Variants in FOXP2 observed in about 807,000 individuals in gnomAD.
The protein encoded by FOXP2 is forkhead box protein P2.
In FOXP2, 12 loss-of-function variants were observed where a neutral mutation model predicts 115.8. The ratio of observed to expected loss-of-function variants is 0.10; its 90% CI spans 0.07 to 0.17. FOXP2 has a LOEUF of 0.17. Ranked by LOEUF, FOXP2 falls within the 10% of genes least tolerant of loss-of-function variation. The pLI is 1.00. For synonymous variants in FOXP2, 328 were observed against 297.7 expected (o/e 1.10, Z -1.05); for missense variants, 629 against 843.5 (o/e 0.75, Z 3.15).
intron 2 of FOXP2, among the ~76,000 whole-genome samples, chr7:114,312,561 G>C (rs1003353931): frequency 3.3e-5 from 5 of 152,172 alleles, no homozygotes; most frequent in Non-Finnish European, 7.3e-5. Flanking sequence ...TAGGGTATGA[G>C]TTTACCTAAT....
intron 1 of FOXP2, among the ~76,000 whole-genome samples, chr7:114,230,089 C>T (rs1355638087): frequency 1.3e-5 from 2 of 151,792 alleles, no homozygotes; most frequent in Non-Finnish European, 1.5e-5. Flanking sequence ...TAAGAGACTA[C>T]TGTGAACAAT....
At chr7:114,643,890 T>C (rs959741695) in intron 7 of FOXP2, among the ~76,000 whole-genome samples, 6 of 152,184 alleles carry the variant, frequency 3.9e-5, no homozygotes, top group African/African-American at 1.4e-4. Flanking sequence ...AAATTCTTTG[T>C]CATAAACAAA....
At chr7:114,144,923 A>G (rs1792325744) in intron 1 of FOXP2, among the ~76,000 whole-genome samples, 1 of 152,214 alleles carries the variant, frequency 6.6e-6, no homozygotes, top group Non-Finnish European at 1.5e-5. Context: ...AACGCTATTA[A>G]TGTTCAAATT....
At chr7:114,160,795 T>TGTGA (rs914810215), upstream of FOXP2, among the ~76,000 whole-genome samples, 7 of 151,618 alleles carry the variant, frequency 4.6e-5, no homozygotes, top group Non-Finnish European at 8.8e-5. Context: ...TGTGTGTGTG[T>TGTGA]GTGTGTGTGT....
At chr7:114,254,180 C>T (rs887236219) in intron 1 of FOXP2, among the ~76,000 whole-genome samples, 1 of 152,194 alleles carries the variant, frequency 6.6e-6, no homozygotes, top group Non-Finnish European at 1.5e-5. Flanking sequence ...GTCTGATGGG[C>T]TTCCCTTTGT....
chr7:114,516,668 T>A (rs921413227), intron 2 of FOXP2, among the ~76,000 whole-genome samples: 4 of 151,918 alleles, frequency 2.6e-5, no homozygotes, highest in African/African-American at 9.7e-5. Context: ...TACTTGGTAA[T>A]TTTTTTGTTC....
rs557744346 is a variant in FOXP2 at position 114,387,778 on chromosome 7, A to G, written c.-10-38724A>G. ...TAATGAAATCCTGGCATGGTTTCTT[A>G]TGCAATAGACAAGGTAAATTAATTA... On this transcript the variant is annotated intron_variant, in intron 2 of 17. Coordinates refer to the FOXP2 transcript ENST00000634411. Among the ~76,000 whole-genome samples the G allele has an allele frequency of 4.1e-4, 63 of 152,320 alleles. 1 individual carries two copies. Among genetic ancestry groups the G allele is most frequent in the Non-Finnish European group, 3.7e-4 (25 of 67,996 alleles).
At chr7:114,609,426 GAA>G (rs1205208318) in intron 3 of FOXP2, among the ~76,000 whole-genome samples, 1 of 152,048 alleles carries the variant, frequency 6.6e-6, no homozygotes, top group Non-Finnish European at 1.5e-5. Flanking sequence ...AAAGAAATGA[GAA>G]AATAGTAAAA....
chr7:114,668,879 C>T (rs995242734), intron 16 of FOXP2: 1 of 152,026 alleles, frequency 6.6e-6, no homozygotes, highest in Admixed American at 6.6e-5. Context: ...AATGGTTTGA[C>T]TTCACAAAGT....
At chr7:114,339,766 C>G (rs1264947545) in intron 2 of FOXP2, among the ~76,000 whole-genome samples, 1 of 151,104 alleles carries the variant, frequency 6.6e-6, no homozygotes, top group Admixed American at 6.6e-5. Flanking sequence ...TAAAAGCATC[C>G]AATTTCCCCT....
chr7:114,459,104 C>CATGG (rs973695450), intron 2 of FOXP2, among the ~76,000 whole-genome samples: 9 of 152,178 alleles, frequency 5.9e-5, no homozygotes, highest in Admixed American at 2.0e-4. Context: ...TTTAGTTCAG[C>CATGG]ATGGCACCTG....
intron 2 of FOXP2, among the ~76,000 whole-genome samples, chr7:114,379,574 C>A (rs1792229666): frequency 1.3e-5 from 2 of 152,084 alleles, no homozygotes; most frequent in Non-Finnish European, 2.9e-5. Context: ...AATGGGCTAG[C>A]AGGCCATTTC....
At chr7:114,556,098 T>C (rs993364521) in intron 3 of FOXP2, among the ~76,000 whole-genome samples, 1 of 152,208 alleles carries the variant, frequency 6.6e-6, no homozygotes, top group African/African-American at 2.4e-5. Flanking sequence ...TGGAGTTTTC[T>C]TGGCATCATG....
chr7:114,628,623 T>C lies in FOXP2; in HGVS notation c.342T>C (p.Ser114=), dbSNP rs886061915. 1 of 1,613,940 alleles carries C rather than the reference T, an allele frequency of 6.2e-7. No individual in the cohort carries two copies. The highest frequency in any genetic ancestry group is 1.3e-5 in the African/African-American group (1 of 74,908). ...AGATCCTTCAGCAACAAGTCCTGTC[T>C]CCTCAGCAGCTACAAGCCCTTCTCC... ...MQQILQQQVL[S]PQQLQALLQQ... is the part of the protein sequence containing the mutation. Residue 114 remains serine (S), a synonymous_variant, in exon 4 of 17, where the codon TCT becomes TCC. Transcript: ENST00000350908.
chr7:114,593,075 A>C (rs558194224), intron 3 of FOXP2, among the ~76,000 whole-genome samples: 1 of 152,116 alleles, frequency 6.6e-6, no homozygotes, highest in East Asian at 1.9e-4. Context: ...ATAGGATTGA[A>C]TAGTTTCTGT....
intron 3 of FOXP2, among the ~76,000 whole-genome samples, chr7:114,575,750 C>T (rs973340226): frequency 6.6e-6 from 1 of 151,834 alleles, no homozygotes; most frequent in Non-Finnish European, 1.5e-5. Context: ...TGTTGAATTG[C>T]CTCTACTTTT....
intron 2 of FOXP2, among the ~76,000 whole-genome samples, chr7:114,330,779 A>C (rs1797689370): frequency 6.6e-6 from 1 of 152,108 alleles, no homozygotes; most frequent in South Asian, 2.1e-4. Context: ...AAAAACAGTA[A>C]ATCCGACAAT....
chr7:114,425,790 TTAA>T (rs1313148479), intron 1 of FOXP2, among the ~76,000 whole-genome samples: 2 of 151,668 alleles, frequency 1.3e-5, no homozygotes, highest in Non-Finnish European at 3.0e-5. Context: ...ATGCATAAGC[TTAA>T]TTACTTCCCA....
chr7:114,418,821 A>T (rs1793470294), intron 1 of FOXP2, among the ~76,000 whole-genome samples: 1 of 151,948 alleles, frequency 6.6e-6, no homozygotes, highest in African/African-American at 2.4e-5. Flanking sequence ...GGCTATTTCA[A>T]TAAACCCAGG....
Sources: allele counts gnomAD v4.1 joint callset (sites outside exome capture counted in the v4.1 genomes callset), GRCh38; gene constraint gnomAD v4.1.1; transcripts MANE v1.5; gene names NCBI Gene and HGNC (gene_info 2026-07-23, HGNC 2026-07-21).